Variants in DLC1 observed in about 807,000 individuals in gnomAD.
The protein encoded by DLC1 is rho GTPase-activating protein 7.
Under a neutral mutation model 140.3 loss-of-function variants are expected in DLC1, and 54 were observed. The observed-to-expected ratio is 0.38, with a 90% confidence interval of 0.31 to 0.48. DLC1 has a LOEUF of 0.48. Among genes scored for constraint, DLC1 ranks in the 20% least tolerant of loss-of-function variants. DLC1 has a pLI of 0.96. For synonymous variants in DLC1, 986 were observed against 728.1 expected (o/e 1.35, Z -5.70); for missense variants, 2,536 against 1,907.0 (o/e 1.33, Z -6.14).
At chr8:13,374,795 A>T (rs371736195) in intron 4 of DLC1, among the ~76,000 whole-genome samples, 3 of 152,222 alleles carry the variant, frequency 2.0e-5, no homozygotes, top group African/African-American at 7.2e-5. Context: ...CAGTATGGCC[A>T]TTTTCACGAT....
At chr8:13,599,014 A>G (rs1805775412) in intron 1 of DLC1, among the ~76,000 whole-genome samples, 1 of 151,894 alleles carries the variant, frequency 6.6e-6, no homozygotes, top group South Asian at 2.1e-4. Flanking sequence ...TAACTTAAAC[A>G]TTTAACTAAG....
intron 5 of DLC1, among the ~76,000 whole-genome samples, chr8:13,138,113 G>C (rs1005359612): frequency 2.0e-5 from 3 of 152,142 alleles, no homozygotes; most frequent in Non-Finnish European, 4.4e-5. Flanking sequence ...ATACTCACTT[G>C]CATTTTTCCC....
chr8:13,532,467 A>G (rs191670385), intron 1 of DLC1, among the ~76,000 whole-genome samples: 32 of 152,380 alleles, frequency 2.1e-4, no homozygotes, highest in African/African-American at 5.8e-4. Flanking sequence ...GGAAAGATCT[A>G]TTAACATATT....
intron 2 of DLC1, among the ~76,000 whole-genome samples, chr8:13,436,086 T>A (rs970177289): frequency 2.6e-5 from 4 of 152,228 alleles, no homozygotes; most frequent in African/African-American, 9.6e-5. Flanking sequence ...TACAGTATAG[T>A]GTAAACATAA....
At chr8:13,577,844 A>G (rs533477490) in intron 1 of DLC1, among the ~76,000 whole-genome samples, 5 of 152,162 alleles carry the variant, frequency 3.3e-5, no homozygotes, top group African/African-American at 9.6e-5. Context: ...TCAAATTATT[A>G]TCTTTAAGGT....
rs914330320 is a variant in DLC1 at position 13,325,797 on chromosome 8, C to T, written c.1315-20495G>A. Among the ~76,000 whole-genome samples, 6 of 152,234 alleles carry T rather than the reference C, an allele frequency of 3.9e-5. No individual in the cohort carries two copies. The South Asian group carries it at 6.2e-4, about 16-fold the overall frequency. On this transcript the variant is annotated intron_variant, in intron 4 of 17. Coordinates refer to ENST00000276297, the MANE Select transcript of DLC1 (RefSeq NM_182643.3). The stretch of plus-strand genomic sequence containing the variant: ...TTGCATCACAGGTTAAAACATGTAG[C>T]GCTTTATGTTTATTTCCAATTAAAG...
At chr8:13,180,445 C>T (rs1184467413) in intron 5 of DLC1, among the ~76,000 whole-genome samples, 1 of 152,026 alleles carries the variant, frequency 6.6e-6, no homozygotes, top group Non-Finnish European at 1.5e-5. Flanking sequence ...TTAAGCCAGA[C>T]ACTGTGAAAA....
intron 3 of DLC1, among the ~76,000 whole-genome samples, chr8:13,396,524 T>C (rs537402990): frequency 1.7e-3 from 258 of 152,274 alleles, no homozygotes; most frequent in Non-Finnish European, 3.1e-3. Context: ...TCTGCTTCAA[T>C]GTTCATCACC....
At chr8:13,496,339 C>T (rs1158025) in intron 2 of DLC1, among the ~76,000 whole-genome samples, 130,332 of 152,104 alleles carry the variant, frequency 0.86, 56,646 homozygotes, top group Non-Finnish European at 0.94. Flanking sequence ...AATGCCTCAG[C>T]TTATATACTA....
chr8:13,434,061 G>T (rs1839003904), intron 2 of DLC1, among the ~76,000 whole-genome samples: 1 of 152,140 alleles, frequency 6.6e-6, no homozygotes, highest in African/African-American at 2.4e-5. Flanking sequence ...CTTTTTAATT[G>T]AGATGGAGTT....
chr8:13,551,028 C>T (rs1461135155), intron 1 of DLC1, among the ~76,000 whole-genome samples: 1 of 144,086 alleles, frequency 6.9e-6, no homozygotes, highest in Non-Finnish European at 1.5e-5. Context: ...CATTTAACAG[C>T]ACTCCTCAGA....
chr8:13,306,867 T>G (rs928310637), intron 4 of DLC1, among the ~76,000 whole-genome samples: 5 of 151,608 alleles, frequency 3.3e-5, no homozygotes, highest in Non-Finnish European at 5.9e-5. Flanking sequence ...GTGGATCACC[T>G]GAGGTCAGGA....
chr8:13,234,373 G>A (rs1829188309), intron 5 of DLC1, among the ~76,000 whole-genome samples: 2 of 152,036 alleles, frequency 1.3e-5, no homozygotes, highest in South Asian at 4.1e-4. Flanking sequence ...GACAAATGCA[G>A]GTTCAGTAAA....
At chr8:13,160,290 A>T (rs1255007225) in intron 5 of DLC1, 1 of 152,242 alleles carries the variant, frequency 6.6e-6, no homozygotes, top group East Asian at 1.9e-4. Context: ...AAAATAAAAA[A>T]ATTAAAAGGC....
At chr8:13,492,412 G>A (rs372242040) in intron 2 of DLC1, among the ~76,000 whole-genome samples, 22 of 152,026 alleles carry the variant, frequency 1.4e-4, no homozygotes, top group African/African-American at 5.1e-4. Flanking sequence ...TCAAAGACTT[G>A]TATTTATTTT....
At chr8:13,582,206 T>G (rs1805127362) in intron 1 of DLC1, among the ~76,000 whole-genome samples, 1 of 152,214 alleles carries the variant, frequency 6.6e-6, no homozygotes, top group Admixed American at 6.5e-5. Context: ...AGATTTTCTC[T>G]TTTAAGGAAC....
chr8:13,500,183 T>C lies in DLC1; in HGVS notation c.-112A>G, dbSNP rs1248582853. 1.0e-6 allele frequency: 1 copy of C among 985,740 alleles called. No individual in the cohort carries two copies. The highest frequency in any genetic ancestry group is 1.5e-6 in the Non-Finnish European group (1 of 675,730). 61.1% of individuals were successfully genotyped at this position (985,740 alleles called of 1,614,324 possible). On this transcript the variant is annotated 5_prime_UTR_variant, in exon 2 of 18. Coordinates refer to ENST00000276297, the MANE Select transcript of DLC1 (RefSeq NM_182643.3). ...ACCAATCAAAGAAGCGAATGAGTTC[T>C]GTCATTTCACCACCTATTAAAAAAT... is the stretch of plus-strand genomic sequence containing the variant.
intron 4 of DLC1, among the ~76,000 whole-genome samples, chr8:13,317,272 T>C (rs1832896855): frequency 1.3e-5 from 2 of 152,184 alleles, no homozygotes; most frequent in African/African-American, 4.8e-5. Context: ...GATAATTAAC[T>C]AGGAAGTATG....
chr8:13,250,071 G>A (rs79689208), intron 5 of DLC1, among the ~76,000 whole-genome samples: 8,070 of 152,276 alleles, frequency 0.053, 264 homozygotes, highest in South Asian at 0.13. Flanking sequence ...CCTTCAGGGC[G>A]TGGAATGGAT....
Sources: gnomAD v4.1 joint callset for allele counts (sites outside exome capture counted in the v4.1 genomes callset) on GRCh38, gnomAD v4.1.1 for gene constraint, MANE v1.5 for transcripts, NCBI Gene and HGNC (gene_info 2026-07-23, HGNC 2026-07-21) for gene names.